The following C1orf21 variants were observed in gnomAD, a reference collection of about 807,000 sequenced individuals.
C1orf21 encodes uncharacterized protein C1orf21.
A neutral mutation model predicts 18.7 loss-of-function variants in C1orf21; 3 were observed. That is an observed-to-expected ratio of 0.16 (90% CI 0.07 to 0.42). The LOEUF is 0.42. Ranked by LOEUF, C1orf21 falls within the 10% of genes least tolerant of loss-of-function variation. The pLI is 0.99. For synonymous variants in C1orf21, 41 were observed against 46.4 expected (o/e 0.88, Z 0.47); for missense variants, 104 against 143.6 (o/e 0.72, Z 1.41).
At position 184,479,179 on chromosome 1, in the gene C1orf21, AC is replaced by A. The variant is rs544291613; in HGVS notation, c.94+1577del. Reference sequence around the variant, plus strand: ...CTGTGGAGAAGAGTAACATATATGAACATCTTAATAAAACTACAGTCCAGAT... The same window carrying A: ...CTGTGGAGAAGAGTAACATATATGAAATCTTAATAAAACTACAGTCCAGAT... On this transcript the variant is annotated intron_variant, in intron 2 of 5. Coordinates refer to ENST00000235307, the MANE Select transcript of C1orf21 (RefSeq NM_030806.4). Among the ~76,000 whole-genome samples the A allele has an allele frequency of 2.4e-3, 359 of 152,332 alleles. 3 individuals carry two copies. The highest frequency in any genetic ancestry group is 7.2e-3 in the African/African-American group (299 of 41,570).
intron 1 of C1orf21, among the ~76,000 whole-genome samples, chr1:184,391,612 G>C (rs1270714171): frequency 6.6e-6 from 1 of 152,224 alleles, no homozygotes; most frequent in Non-Finnish European, 1.5e-5. Context: ...AGTTTATTAA[G>C]AGCCCCATAT....
At chr1:184,561,909 A>AGTTTT (rs1341362094) in intron 3 of C1orf21, among the ~76,000 whole-genome samples, 5 of 152,056 alleles carry the variant, frequency 3.3e-5, no homozygotes, top group Non-Finnish European at 7.4e-5. Flanking sequence ...GGGTTTTTAA[A>AGTTTT]AACATGTTCC....
intron 2 of C1orf21, among the ~76,000 whole-genome samples, chr1:184,506,586 C>T (rs1317911969): frequency 1.3e-5 from 2 of 152,268 alleles, no homozygotes; most frequent in South Asian, 2.1e-4. Context: ...ATATGCCAGA[C>T]AATCGTTAGT....
intron 1 of C1orf21, among the ~76,000 whole-genome samples, chr1:184,422,486 G>A (rs1454715268): frequency 1.3e-5 from 2 of 152,146 alleles, no homozygotes; most frequent in African/African-American, 4.8e-5. Flanking sequence ...GAGAACTGAG[G>A]TGTAGAAAGG....
At chr1:184,521,575 G>A (rs1173617702) in intron 3 of C1orf21, among the ~76,000 whole-genome samples, 1 of 152,186 alleles carries the variant, frequency 6.6e-6, no homozygotes, top group Non-Finnish European at 1.5e-5. Context: ...AGGCAAAACT[G>A]TAGATTTCCA....
At chr1:184,510,711 A>G (rs1266512838) in intron 3 of C1orf21, among the ~76,000 whole-genome samples, 1 of 152,234 alleles carries the variant, frequency 6.6e-6, no homozygotes, top group Non-Finnish European at 1.5e-5. Context: ...GGGCTAATGT[A>G]TAGAGCCTTA....
intron 1 of C1orf21, among the ~76,000 whole-genome samples, chr1:184,427,005 A>T (rs1417174505): frequency 6.6e-6 from 1 of 152,202 alleles, no homozygotes; most frequent in Non-Finnish European, 1.5e-5. Flanking sequence ...AATGGAGAGG[A>T]TCAAGTTTCT....
chr1:184,557,956 C>T (rs1368044219), intron 3 of C1orf21, among the ~76,000 whole-genome samples: 1 of 152,160 alleles, frequency 6.6e-6, no homozygotes, highest in East Asian at 1.9e-4. Context: ...ACTTGACTGG[C>T]ATATGCAGTT....
rs761667174 is a variant in C1orf21, at chr1:184,620,000, C to T, written c.*444C>T. The T allele has an allele frequency of 1.2e-5, 2 of 165,168 alleles. No homozygotes were observed. Among genetic ancestry groups the T allele is most frequent in the South Asian group, 1.7e-4 (1 of 5,894 alleles). 10.2% of individuals were successfully genotyped at this position (165,168 alleles called of 1,614,324 possible). ...CCCTCTCTCCTTCCTCCCCATCTCTCGCACGCAGTCTAGAGATGGACTGAG... is the reference window on the plus strand; with the variant it reads ...CCCTCTCTCCTTCCTCCCCATCTCTTGCACGCAGTCTAGAGATGGACTGAG... On this transcript the variant is annotated 3_prime_UTR_variant, in exon 6 of 6. Transcript: ENST00000235307.
intron 3 of C1orf21, among the ~76,000 whole-genome samples, chr1:184,518,898 A>G (rs1658266758): frequency 6.6e-6 from 1 of 152,036 alleles, no homozygotes; most frequent in Admixed American, 6.6e-5. Flanking sequence ...TCATTGGCAT[A>G]TGAAATTGGG....
intron 3 of C1orf21, among the ~76,000 whole-genome samples, chr1:184,586,027 C>G (rs989132739): frequency 6.6e-6 from 1 of 152,074 alleles, no homozygotes; most frequent in Non-Finnish European, 1.5e-5. Flanking sequence ...ATTTTTAGAT[C>G]TTTGAGGAAT....
At chr1:184,390,008 C>A (rs757916714) in intron 1 of C1orf21, among the ~76,000 whole-genome samples, 2 of 152,198 alleles carry the variant, frequency 1.3e-5, no homozygotes, top group Non-Finnish European at 2.9e-5. Context: ...TTTGAAGTTT[C>A]CTTCCAGCTC....
rs562965793 is a variant in C1orf21, at chr1:184,627,561, C to G, written c.*8005C>G. ...CCTGCCCTCCTGGCATACTCAACAGCAACGCCAGCTTTCTGGACCCTTGGA... is the reference window on the plus strand; with the variant it reads ...CCTGCCCTCCTGGCATACTCAACAGGAACGCCAGCTTTCTGGACCCTTGGA... On this transcript the variant is annotated 3_prime_UTR_variant, in exon 6 of 6. Transcript: ENST00000235307. The G allele has an allele frequency of 1.7e-4, 26 of 152,354 alleles. No individual in the cohort carries two copies. Among genetic ancestry groups the G allele is most frequent in the African/African-American group, 6.3e-4 (26 of 41,576 alleles). 9.4% of individuals were successfully genotyped at this position (152,354 alleles called of 1,614,324 possible).
chr1:184,417,377 C>T (rs1035815787), intron 1 of C1orf21, among the ~76,000 whole-genome samples: 1 of 152,154 alleles, frequency 6.6e-6, no homozygotes, highest in African/African-American at 2.4e-5. Context: ...ATCCATGTGT[C>T]AAGATAGCTC....
intron 1 of C1orf21, among the ~76,000 whole-genome samples, chr1:184,428,994 C>G (rs921171750): frequency 2.6e-5 from 4 of 152,176 alleles, no homozygotes; most frequent in African/African-American, 9.7e-5. Context: ...TTTTCCCCAT[C>G]TGATCCTACC....
At position 184,532,487 on chromosome 1, in the gene C1orf21, G is replaced by A. The variant is rs182293454; in HGVS notation, c.189+24805G>A. Among the ~76,000 whole-genome samples, 111 of 152,234 alleles carry A rather than the reference G, an allele frequency of 7.3e-4. 1 individual carries two copies. In the East Asian group the frequency reaches 0.01, roughly 14 times the overall value. On this transcript the variant is annotated intron_variant, in intron 3 of 5. Coordinates refer to ENST00000235307, the MANE Select transcript of C1orf21 (RefSeq NM_030806.4). ...AGGCCAGGCATTATGGCTCATGTCT[G>A]TAATACCAGCACTTTGGGAGACTGA...
intron 1 of C1orf21, among the ~76,000 whole-genome samples, chr1:184,470,629 A>G (rs1416820770): frequency 6.6e-6 from 1 of 152,204 alleles, no homozygotes; most frequent in African/African-American, 2.4e-5. Context: ...CTGAAATCCC[A>G]GTACTTTGGG....
intron 3 of C1orf21, among the ~76,000 whole-genome samples, chr1:184,584,360 C>T (rs1387725200): frequency 1.4e-4 from 22 of 151,878 alleles, no homozygotes. Context: ...TAAATAAAAC[C>T]CACAGTGAGA....
At chr1:184,491,055 G>C (rs1657808943) in intron 2 of C1orf21, among the ~76,000 whole-genome samples, 1 of 152,080 alleles carries the variant, frequency 6.6e-6, no homozygotes, top group South Asian at 2.1e-4. Context: ...TGTAAAATTG[G>C]AACCTACCTC....
Sources: allele counts gnomAD v4.1 joint callset (sites outside exome capture counted in the v4.1 genomes callset), GRCh38; gene constraint gnomAD v4.1.1; transcripts MANE v1.5; gene names NCBI Gene and HGNC (gene_info 2026-07-23, HGNC 2026-07-21).